Variants in C1orf105 observed in about 807,000 individuals in gnomAD.
The protein encoded by C1orf105 is chromosome 1 open reading frame 105, also known as uncharacterized protein C1orf105.
A neutral mutation model predicts 20.8 loss-of-function variants in C1orf105; 17 were observed. That is an observed-to-expected ratio of 0.82 (90% CI 0.56 to 1.23). C1orf105 has a LOEUF of 1.23. Among genes scored for constraint, C1orf105 ranks in the 50% most tolerant of loss-of-function variants. The pLI, the probability that C1orf105 is intolerant of heterozygous loss-of-function variation, is 0.00. For missense variants in C1orf105, 219 were observed against 213.5 expected, an observed-to-expected ratio of 1.03 and a Z score of -0.16; for synonymous variants, 72 against 72.1, an observed-to-expected ratio of 1.00 and a Z score of 0.01.
In C1orf105 at chr1:172,441,815, T is replaced by A; in HGVS notation, c.22-3258T>A. 1.9e-6 allele frequency: 3 copies of A among 1,612,664 alleles called. No individual in the cohort carries two copies. Among genetic ancestry groups the A allele is most frequent in the Non-Finnish European group, 2.5e-6 (3 of 1,179,304 alleles). ...TTTTCTTTAAAAAGCTGCAAGCGAATGAGGTAGAATGGACACAGACATGAG... is the reference window on the plus strand; with the variant it reads ...TTTTCTTTAAAAAGCTGCAAGCGAAAGAGGTAGAATGGACACAGACATGAG... On this transcript the variant is annotated intron_variant, in intron 1 of 6. Transcript: ENST00000367727.
chr1:172,422,376 C>T (rs2071614327), intron 1 of C1orf105, among the ~76,000 whole-genome samples: 1 of 152,136 alleles, frequency 6.6e-6, no homozygotes, highest in South Asian at 2.1e-4. Context: ...TCTAGATATA[C>T]CCTGGGCCAA....
intron 1 of C1orf105, among the ~76,000 whole-genome samples, chr1:172,433,510 A>C (rs7411767): frequency 6.6e-6 from 1 of 151,986 alleles, no homozygotes; most frequent in Non-Finnish European, 1.5e-5. Context: ...ACTAAGCTTC[A>C]TAAGTGAAGG....
chr1:172,458,669 G>A (rs1649484297), intron 4 of C1orf105, among the ~76,000 whole-genome samples: 1 of 152,142 alleles, frequency 6.6e-6, no homozygotes, highest in Admixed American at 6.5e-5. Flanking sequence ...AATCCCAGAT[G>A]CCATTTTTAT....
chr1:172,425,945 A>G (rs377004646), intron 1 of C1orf105, among the ~76,000 whole-genome samples: 1 of 151,826 alleles, frequency 6.6e-6, no homozygotes, highest in African/African-American at 2.4e-5. Flanking sequence ...TATGTCATTA[A>G]CCTTTTATCC....
rs1344989998 is a variant in C1orf105, at chr1:172,448,533, T to C, written c.198+2T>C. The C allele has an allele frequency of 6.3e-7, 1 of 1,587,874 alleles. No homozygotes were observed. The highest frequency in any genetic ancestry group is 2.2e-5 in the East Asian group (1 of 44,748). On this transcript the variant is annotated splice_donor_variant, in intron 3 of 6. Transcript: ENST00000367727. LOFTEE classifies it high-confidence loss of function. The stretch of plus-strand genomic sequence containing the variant: ...CAAGTTCCAGATGTTTTATCTAAGG[T>C]ACTAAAAAATTTTTGTTGAAATGAA...
intron 1 of C1orf105, chr1:172,441,773 C>G: frequency 6.3e-7 from 1 of 1,591,960 alleles, no homozygotes; most frequent in Non-Finnish European, 8.6e-7. Context: ...TCAGCTTCAT[C>G]CCAAGGCCCA....
chr1:172,448,662 A>C (rs1573869349), intron 3 of C1orf105, 131 bp downstream of exon 3: 2 of 589,522 alleles, frequency 3.4e-6, no homozygotes, highest in Non-Finnish European at 6.1e-6. Flanking sequence ...ATATTTGTTA[A>C]ATGAAATGAA....
intron 4 of C1orf105, among the ~76,000 whole-genome samples, chr1:172,461,161 G>A (rs1649665859): frequency 6.6e-6 from 1 of 152,150 alleles, no homozygotes; most frequent in African/African-American, 2.4e-5. Context: ...GAGGCTCTTT[G>A]TTACCAGATC....
intron 1 of C1orf105, among the ~76,000 whole-genome samples, chr1:172,434,714 C>G (rs1424358792): frequency 1.3e-5 from 2 of 152,094 alleles, no homozygotes; most frequent in African/African-American, 4.8e-5. Context: ...AAAGCAAATT[C>G]AAAAGCTAGC....
At chr1:172,430,923 A>AAT (rs2071855585) in intron 1 of C1orf105, among the ~76,000 whole-genome samples, 1 of 152,108 alleles carries the variant, frequency 6.6e-6, no homozygotes. Flanking sequence ...GTGATCTTTG[A>AAT]TGTTACCATT....
In C1orf105 at chr1:172,468,491, C is replaced by G; in HGVS notation, c.449C>G (p.Ala150Gly). 1 of 1,613,936 alleles carries G rather than the reference C, an allele frequency of 6.2e-7. No homozygotes were observed. Among genetic ancestry groups the G allele is most frequent in the Non-Finnish European group, 8.5e-7 (1 of 1,179,822 alleles). The change falls in exon 7 of 7, where the codon GCT becomes GGT. Residue 150 changes from alanine to glycine, a missense_variant. By Grantham distance (60) the Ala-to-Gly change is moderately conservative. Transcript: ENST00000367727. ...CTGCCCATTCTGGGCCCCAGGACAG[C>G]TGTCTTCCACGGATTACTGACAGAG... ...YRLPILGPRT[A>G]VFHGLLTEAY...
At chr1:172,467,589 C>G (rs1280790897) in intron 6 of C1orf105, among the ~76,000 whole-genome samples, 2 of 152,284 alleles carry the variant, frequency 1.3e-5, no homozygotes, top group East Asian at 3.9e-4. Context: ...TTAAGAATGT[C>G]TGGGTTCTGG....
At chr1:172,430,416 T>A (rs1436792997) in intron 1 of C1orf105, 2 of 620,768 alleles carry the variant, frequency 3.2e-6, no homozygotes, top group African/African-American at 3.7e-5. Context: ...GTTTAATGAA[T>A]TTTTAATTTG....
intron 5 of C1orf105, among the ~76,000 whole-genome samples, chr1:172,464,268 G>A (rs1400762315): frequency 6.6e-6 from 1 of 152,076 alleles, no homozygotes; most frequent in African/African-American, 2.4e-5. Flanking sequence ...TAATAGAAGG[G>A]GTTTTGCTTT....
At chr1:172,437,286 G>A (rs1312679542) in intron 1 of C1orf105, among the ~76,000 whole-genome samples, 7 of 152,154 alleles carry the variant, frequency 4.6e-5, no homozygotes, top group African/African-American at 1.4e-4. Flanking sequence ...ACATGCACAC[G>A]TATGTTTATT....
intron 1 of C1orf105, among the ~76,000 whole-genome samples, chr1:172,426,824 G>T (rs1162385160): frequency 6.6e-6 from 1 of 152,018 alleles, no homozygotes. Flanking sequence ...AAATTGAATG[G>T]TCAATCATTG....
chr1:172,465,307 T>A lies in C1orf105; in HGVS notation c.350T>A (p.Leu117His), dbSNP rs1649964570. ...FENCMSYRMSLHQPKFQTTPE... is the reference protein window; with the variant it reads ...FENCMSYRMSHHQPKFQTTPE... ...TTGTTTCTTCCAATCAGAATGAGTC[T>A]TCATCAACCCAAATTCCAGACTACA... The change falls in exon 6 of 7, where the codon CTT (leucine) becomes CAT (histidine). Residue 117 changes from leucine to histidine, a missense_variant. By Grantham distance (99) the Leu-to-His change is moderately conservative (BLOSUM62 -3). Coordinates refer to ENST00000367727, the MANE Select transcript of C1orf105 (RefSeq NM_139240.4). 1.9e-6 allele frequency: 3 copies of A among 1,612,416 alleles called. No individual in the cohort carries two copies. In the African/African-American group the frequency reaches 4.0e-5, roughly 22 times the overall value.
intron 1 of C1orf105, chr1:172,442,419 AAAAACAC>A: frequency 6.2e-7 from 1 of 1,614,148 alleles, no homozygotes; most frequent in Non-Finnish European, 8.5e-7. Context: ...AGATAACCAC[AAAAACAC>A]AAACACTGCA....
In C1orf105 at chr1:172,468,509, T is replaced by A. The variant is rs919460802; in HGVS notation, c.467T>A (p.Leu156Gln). 2.5e-6 allele frequency: 4 copies of A among 1,613,862 alleles called. No individual in the cohort carries two copies. Among genetic ancestry groups the A allele is most frequent in the Non-Finnish European group, 3.4e-6 (4 of 1,179,910 alleles). ...GPRTAVFHGL[L>Q]TEAYKTLKER... ...AGGACAGCTGTCTTCCACGGATTAC[T>A]GACAGAGGCCTACAAAACTCTAAAA... The change falls in exon 7 of 7, where the codon CTG becomes CAG. Residue 156 changes from leucine to glutamine, a missense_variant. Leu to Gln is a moderately radical substitution (Grantham distance 113). Transcript: ENST00000367727.
Sources: allele counts gnomAD v4.1 joint callset (sites outside exome capture counted in the v4.1 genomes callset), GRCh38; gene constraint gnomAD v4.1.1; transcripts MANE v1.5; gene names NCBI Gene and HGNC (gene_info 2026-07-23, HGNC 2026-07-21).